The following FHIP2A variants were observed in gnomAD, a reference collection of about 807,000 sequenced individuals.
The protein encoded by FHIP2A is family with sequence similarity 160 member B1.
FHIP2A carries 46 observed loss-of-function variants against 93.5 expected under a neutral mutation model. That is an observed-to-expected ratio of 0.49 (90% CI 0.39 to 0.63). The LOEUF (loss-of-function observed/expected upper bound fraction) is 0.63. FHIP2A is among the 20% of genes least tolerant of loss of function. The pLI is 0.00. For synonymous variants in FHIP2A, 332 were observed against 326.5 expected (o/e 1.02, Z -0.18); for missense variants, 769 against 909.7 (o/e 0.85, Z 1.99).
chr10:114,822,867 T>C (rs1047179117), intron 1 of FHIP2A, among the ~76,000 whole-genome samples: 4 of 152,234 alleles, frequency 2.6e-5, no homozygotes, highest in African/African-American at 9.6e-5. Flanking sequence ...ATCCTGCAAT[T>C]GTACTCTCCT....
chr10:114,847,681 G>A (rs2083709774), intron 12 of FHIP2A, among the ~76,000 whole-genome samples: 1 of 151,846 alleles, frequency 6.6e-6, no homozygotes, highest in Non-Finnish European at 1.5e-5. Context: ...GGCAACACTT[G>A]ATACTAAGAG....
At chr10:114,843,343 T>C in intron 6 of FHIP2A, 117 bp downstream of exon 6, 1 of 645,938 alleles carries the variant, frequency 1.5e-6, no homozygotes, top group East Asian at 3.8e-5. Context: ...TCTTGCTGTG[T>C]TGTCCAGGCT....
In FHIP2A at chr10:114,822,031, G is replaced by A. The variant is rs2083527926; in HGVS notation, c.-48G>A. The A allele has an allele frequency of 8.2e-7, 1 of 1,212,950 alleles. No homozygotes were observed. The highest frequency in any genetic ancestry group is 1.1e-6 in the Non-Finnish European group (1 of 949,140). 75.1% of individuals were successfully genotyped at this position (1,212,950 alleles called of 1,614,324 possible). A position where few individuals can be genotyped will look rare whatever the true frequency, so the allele number is the denominator to read the frequency against. On this transcript the variant is annotated 5_prime_UTR_variant, in exon 1 of 17. Transcript: ENST00000369248. ...GCAGGGGCGGCGGCGGCGGATCGAGGAGCTCTCCAGGTCGTCCCGGGAGAG... is the reference window on the plus strand; with the variant it reads ...GCAGGGGCGGCGGCGGCGGATCGAGAAGCTCTCCAGGTCGTCCCGGGAGAG...
At chr10:114,832,710 A>ATTT (rs35892795) in intron 2 of FHIP2A, among the ~76,000 whole-genome samples, 53 of 125,236 alleles carry the variant, frequency 4.2e-4, no homozygotes, top group African/African-American at 1.1e-3. Context: ...TATATTTGAG[A>ATTT]TTTTTTTTTT....
At chr10:114,881,993 G>T (rs1255737322) in intron 16 of FHIP2A, among the ~76,000 whole-genome samples, 2 of 152,234 alleles carry the variant, frequency 1.3e-5, no homozygotes, top group African/African-American at 4.8e-5. Flanking sequence ...GGCTTTGTTT[G>T]TTTGTAATGA....
At chr10:114,839,321 T>A (rs1416860245) in intron 5 of FHIP2A, among the ~76,000 whole-genome samples, 1 of 151,858 alleles carries the variant, frequency 6.6e-6, no homozygotes, top group African/African-American at 2.4e-5. Flanking sequence ...GAGATGGGGT[T>A]TCACCATGTT....
At chr10:114,835,499 G>A (rs754412314) in intron 3 of FHIP2A, 38 bp from the exon 4 acceptor site, 1 of 1,264,266 alleles carries the variant, frequency 7.9e-7, no homozygotes, top group South Asian at 1.2e-5. Flanking sequence ...TGCATTGTCT[G>A]TTGTTTTCCT....
At position 114,846,559 on chromosome 10, in the gene FHIP2A, A is replaced by C. The variant is rs769006134; in HGVS notation, c.1399A>C (p.Ile467Leu). The change falls in exon 11 of 17, where the codon ATA (isoleucine) becomes CTA (leucine). Residue 467 changes from isoleucine (I) to leucine (L), a missense_variant and splice_region_variant. Coordinates refer to ENST00000369248, the MANE Select transcript of FHIP2A (RefSeq NM_020940.4). The stretch of plus-strand genomic sequence containing the variant: ...TAGCTTTTATCAATTTTGGTTTCAG[A>C]TAAGCATAATGACATTACGAATGTT... ...IEHCDHISDE[I>L]SIMTLRMFEH... The C allele has an allele frequency of 1.9e-6, 3 of 1,582,502 alleles. No homozygotes were observed. The highest frequency in any genetic ancestry group is 2.6e-6 in the Non-Finnish European group (3 of 1,168,178).
rs1354007714 is a variant in FHIP2A, at chr10:114,862,339, A to G, written c.*799A>G. Reference sequence around the variant, plus strand: ...TATTTTTTTAAGCTAAGTAACATGTACTGGGTTGAGAACCTTTTTCCCCCC... The same window carrying G: ...TATTTTTTTAAGCTAAGTAACATGTGCTGGGTTGAGAACCTTTTTCCCCCC... On this transcript the variant is annotated 3_prime_UTR_variant, in exon 17 of 17. Transcript: ENST00000369248. The G allele has an allele frequency of 2.0e-6, 2 of 987,276 alleles. No homozygotes were observed. The highest frequency in any genetic ancestry group is 2.4e-6 in the Non-Finnish European group (2 of 830,028). The allele number at this position is 987,276 out of a possible 1,614,324, so 61.2% of individuals were successfully genotyped here.
chr10:114,822,708 G>T (rs2083542008), intron 1 of FHIP2A, among the ~76,000 whole-genome samples: 2 of 152,340 alleles, frequency 1.3e-5, no homozygotes, highest in South Asian at 4.1e-4. Flanking sequence ...GGGCCTGGAG[G>T]CCGAACTCAG....
At chr10:114,899,624 C>G (rs1020190654) in exon 17 of FHIP2A, 2 of 689,482 alleles carry the variant, frequency 2.9e-6, no homozygotes, top group African/African-American at 1.8e-5. Flanking sequence ...ACCCTTGAAC[C>G]AATCCTGGTG....
chr10:114,895,121 G>T (rs1243986837), intron 16 of FHIP2A, among the ~76,000 whole-genome samples: 3 of 152,016 alleles, frequency 2.0e-5, no homozygotes, highest in Non-Finnish European at 4.4e-5. Flanking sequence ...GTTTGTCTTG[G>T]GTTTGTTAGA....
At chr10:114,836,267 A>G in intron 5 of FHIP2A, 21 bp downstream of exon 5, 1 of 1,547,506 alleles carries the variant, frequency 6.5e-7, no homozygotes, top group Admixed American at 1.7e-5. Flanking sequence ...CTTTTTATCA[A>G]CTTTCAAACT....
chr10:114,840,387 G>C lies in FHIP2A; in HGVS notation c.523-2546G>C, dbSNP rs144942877. ...TAGACTAAGTATTGTCAAAGGCTTTGAATGACAAGGTGAAGAGTTTATTCT... is the reference window on the plus strand; with the variant it reads ...TAGACTAAGTATTGTCAAAGGCTTTCAATGACAAGGTGAAGAGTTTATTCT... On this transcript the variant is annotated intron_variant, in intron 5 of 16. Coordinates refer to ENST00000369248, the MANE Select transcript of FHIP2A (RefSeq NM_020940.4). 1.4e-4 allele frequency among the ~76,000 whole-genome samples: 21 copies of C among 152,326 alleles called. No homozygotes were observed. The East Asian group carries it at 3.7e-3, about 27-fold the overall frequency.
rs140082225 is a variant in FHIP2A, at chr10:114,891,339, A to T, written c.2193-8151A>T. ...AAGAATGGGGGGCATAGAGACATAGATGGGCCATGATAATTATTGAAACTG... is the reference window on the plus strand; with the variant it reads ...AAGAATGGGGGGCATAGAGACATAGTTGGGCCATGATAATTATTGAAACTG... On this transcript the variant is annotated intron_variant, in intron 16 of 16. Transcript: ENST00000369250. 1.3e-4 allele frequency among the ~76,000 whole-genome samples: 20 copies of T among 151,806 alleles called. No individual in the cohort carries two copies. The East Asian group carries it at 3.9e-3, about 29-fold the overall frequency.
chr10:114,866,321 A>G (rs2083829084), downstream of FHIP2A, among the ~76,000 whole-genome samples: 2 of 152,212 alleles, frequency 1.3e-5, no homozygotes, highest in African/African-American at 4.8e-5. Context: ...ACTGCATAGT[A>G]TTCCACGGTG....
intron 16 of FHIP2A, among the ~76,000 whole-genome samples, chr10:114,870,020 A>G (rs1032442746): frequency 3.3e-5 from 5 of 152,200 alleles, no homozygotes; most frequent in East Asian, 3.8e-4. Context: ...TTAATTTGAC[A>G]TAGATAATTC....
At chr10:114,878,199 G>T (rs1035496911) in intron 16 of FHIP2A, among the ~76,000 whole-genome samples, 1 of 152,016 alleles carries the variant, frequency 6.6e-6, no homozygotes, top group Non-Finnish European at 1.5e-5. Flanking sequence ...TTTTCTTAGG[G>T]CTTAGAAAAA....
rs1474212026 is a variant in FHIP2A at position 114,862,192 on chromosome 10, C to G, written c.*652C>G. On this transcript the variant is annotated 3_prime_UTR_variant, in exon 17 of 17. Coordinates refer to ENST00000369248, the MANE Select transcript of FHIP2A (RefSeq NM_020940.4). ...ATATTTTTAAAGAAATGTTCTTTTA[C>G]TCTTTTGTGCACATAGCCATGTTAG... 1 of 948,194 alleles carries G rather than the reference C, an allele frequency of 1.1e-6. No individual in the cohort carries two copies. Among genetic ancestry groups the G allele is most frequent in the Non-Finnish European group, 1.3e-6 (1 of 796,066 alleles). 58.7% of individuals were successfully genotyped at this position (948,194 alleles called of 1,614,324 possible).
Sources: gnomAD v4.1 joint callset for allele counts (sites outside exome capture counted in the v4.1 genomes callset) on GRCh38, gnomAD v4.1.1 for gene constraint, MANE v1.5 for transcripts, NCBI Gene and HGNC (gene_info 2026-07-23, HGNC 2026-07-21) for gene names.